Variants in IFNAR1 observed in about 807,000 individuals in gnomAD.
The protein encoded by IFNAR1 is interferon alpha and beta receptor subunit 1, also known as interferon alpha/beta receptor 1.
A neutral mutation model predicts 62.1 loss-of-function variants in IFNAR1; 47 were observed. The observed-to-expected ratio is 0.76, with a 90% CI of 0.60 to 0.97. The LOEUF (loss-of-function observed/expected upper bound fraction) is 0.97, where lower values mean the gene tolerates loss of function less well. Ranked by LOEUF, IFNAR1 falls within the 50% of genes least tolerant of loss-of-function variation. The pLI, the probability that IFNAR1 is intolerant of heterozygous loss-of-function variation, is 0.00. For missense variants in IFNAR1, 638 were observed against 654.5 expected (o/e 0.97, Z 0.27); for synonymous variants, 219 against 226.9 (o/e 0.97, Z 0.31).
intron 3 of IFNAR1, among the ~76,000 whole-genome samples, 193 bp from the exon 4 acceptor site, chr21:33,343,075 C>T (rs1192319910): frequency 6.6e-6 from 1 of 152,210 alleles, no homozygotes; most frequent in Non-Finnish European, 1.5e-5. Flanking sequence ...TAGACTGCTG[C>T]TGGGCTCAGT....
chr21:33,328,282 G>C (rs114436252), intron 1 of IFNAR1, among the ~76,000 whole-genome samples: 2 of 152,192 alleles, frequency 1.3e-5, no homozygotes, highest in Non-Finnish European at 2.9e-5. Flanking sequence ...AGAATAGATT[G>C]TAACTGTTTC....
At chr21:33,350,420 G>A (rs1352267187) in intron 8 of IFNAR1, among the ~76,000 whole-genome samples, 5 of 152,054 alleles carry the variant, frequency 3.3e-5, no homozygotes, top group African/African-American at 1.2e-4. Context: ...CCAAAGTTCA[G>A]CTTTGCCCAA....
rs754187243 is a variant in IFNAR1, at chr21:33,349,146, G to A, written c.844G>A (p.Asp282Asn). The change falls in exon 7 of 11, where the codon GAC becomes AAC. Residue 282 changes from aspartate (D) to asparagine (N), a missense_variant. Physicochemically the swap from Asp to Asn is conservative, Grantham distance 23. Transcript: ENST00000270139. ...TTTGTATAAATGGAAACAAATACCT[G>A]ACTGTGAAAATGTCAAAACTACCCA... Reference protein sequence around the residue: ...NHLYKWKQIPDCENVKTTQCV... With the variant: ...NHLYKWKQIPNCENVKTTQCV... 1.9e-6 allele frequency: 3 copies of A among 1,612,998 alleles called. No individual in the cohort carries two copies. Among genetic ancestry groups the A allele is most frequent in the African/African-American group, 2.7e-5 (2 of 74,892 alleles).
intron 8 of IFNAR1, 149 bp from the exon 9 acceptor site, chr21:33,352,609 A>C (rs1337981472): frequency 4.3e-6 from 2 of 461,112 alleles, no homozygotes; most frequent in Non-Finnish European, 7.5e-6. Context: ...TCACAAAAAA[A>C]ACAAAACAAA....
chr21:33,329,838 G>C (rs1035849820), intron 1 of IFNAR1, among the ~76,000 whole-genome samples: 4 of 152,184 alleles, frequency 2.6e-5, no homozygotes, highest in Admixed American at 2.6e-4. Flanking sequence ...TCTAGTTGGA[G>C]ATTTATGTTT....
intron 2 of IFNAR1, among the ~76,000 whole-genome samples, chr21:33,337,826 A>C (rs2083257653): frequency 6.9e-6 from 1 of 145,982 alleles, no homozygotes; most frequent in Admixed American, 7.0e-5. Context: ...GACTTTTCTC[A>C]GAATTGATCA....
At chr21:33,336,660 C>T (rs529799278) in intron 2 of IFNAR1, among the ~76,000 whole-genome samples, 11 of 151,948 alleles carry the variant, frequency 7.2e-5, no homozygotes, top group South Asian at 6.2e-4. Context: ...AAAGGTCCAT[C>T]GAAGACCTTG....
rs1242837163 is a variant in IFNAR1 at position 33,335,213 on chromosome 21, C to T, written c.77-311C>T. The T allele has an allele frequency of 1.5e-5, 7 of 465,106 alleles. No homozygotes were observed. In the Admixed American group the frequency reaches 2.0e-4, roughly 14 times the overall value. The allele number at this position is 465,106 out of a possible 1,614,324, so 28.8% of individuals were successfully genotyped here. ...CAGTTGAACCTCATCATAAGAGTGA[C>T]TCATCGGTGTCACTTCTAAGACCAA... On this transcript the variant is annotated intron_variant, in intron 1 of 10. Transcript: ENST00000270139.
At position 33,341,049 on chromosome 21, in the gene IFNAR1, G is replaced by GT; in HGVS notation, c.252dup (p.Thr85TyrfsTer14). 2.5e-6 allele frequency: 4 copies of GT among 1,612,528 alleles called. No individual in the cohort carries two copies. Among genetic ancestry groups the GT allele is most frequent in the Non-Finnish European group, 3.4e-6 (4 of 1,178,788 alleles). The stretch of plus-strand genomic sequence containing the variant: ...TTGTCTGGGTGTCAGAATATTACTA[G>GT]TACCAAATGCAACTTTTCTTCACTC... On this transcript the variant is annotated frameshift_variant, in exon 3 of 11. Coordinates refer to ENST00000270139, the MANE Select transcript of IFNAR1 (RefSeq NM_000629.3). LOFTEE classifies it high-confidence loss of function.
At chr21:33,333,532 T>C (rs1037746453) in intron 1 of IFNAR1, among the ~76,000 whole-genome samples, 1 of 150,626 alleles carries the variant, frequency 6.6e-6, no homozygotes, top group Non-Finnish European at 1.5e-5. Flanking sequence ...TTTAACAAAA[T>C]GACAAATGTA....
At chr21:33,337,803 CAA>C (rs1040663095) in intron 2 of IFNAR1, among the ~76,000 whole-genome samples, 2 of 71,544 alleles carry the variant, frequency 2.8e-5, no homozygotes, top group Non-Finnish European at 6.1e-5. Flanking sequence ...TATACACACA[CAA>C]ATTCATATAT....
chr21:33,357,599 C>G lies in IFNAR1; in HGVS notation c.*2050C>G, dbSNP rs1203556172. The G allele has an allele frequency of 1.3e-5, 2 of 150,764 alleles. No homozygotes were observed. The highest frequency in any genetic ancestry group is 4.9e-5 in the African/African-American group (2 of 40,530). The allele number at this position is 150,764 out of a possible 1,614,324, so 9.3% of individuals were successfully genotyped here. A position where few individuals can be genotyped will look rare whatever the true frequency, so the allele number is the denominator to read the frequency against. On this transcript the variant is annotated 3_prime_UTR_variant, in exon 11 of 11. Coordinates refer to ENST00000270139, the MANE Select transcript of IFNAR1 (RefSeq NM_000629.3). ...GGAGTGCAGTGGCTTGATCTCGGCT[C>G]ACTGCAACCTCGCCTCCCGGGTTCA...
Position 33,335,150 on chromosome 21 carries a change from A to G in IFNAR1, c.77-374A>G, listed in dbSNP as rs1601855412. 8 of 600,612 alleles carry G rather than the reference A, an allele frequency of 1.3e-5. No homozygotes were observed. The East Asian group carries it at 1.4e-4, about 11-fold the overall frequency. 37.2% of individuals were successfully genotyped at this position (600,612 alleles called of 1,614,324 possible). Reference sequence around the variant, plus strand: ...AGTCAAGAAGCATCTCTATCTATCTATGAACATACAATGTGAAATCAAATT... The same window carrying G: ...AGTCAAGAAGCATCTCTATCTATCTGTGAACATACAATGTGAAATCAAATT... On this transcript the variant is annotated intron_variant, in intron 1 of 10. Coordinates refer to ENST00000270139, the MANE Select transcript of IFNAR1 (RefSeq NM_000629.3).
At position 33,357,569 on chromosome 21, in the gene IFNAR1, A is replaced by G. The variant is rs1372813721; in HGVS notation, c.*2020A>G. ...TTGAGACAGTCTCATTCTGTTGCCCAGGCTGGAGTGCAGTGGCTTGATCTC... is the reference window on the plus strand; with the variant it reads ...TTGAGACAGTCTCATTCTGTTGCCCGGGCTGGAGTGCAGTGGCTTGATCTC... On this transcript the variant is annotated 3_prime_UTR_variant, in exon 11 of 11. Transcript: ENST00000270139. The G allele has an allele frequency of 1.4e-5, 2 of 146,548 alleles. No individual in the cohort carries two copies. The highest frequency in any genetic ancestry group is 3.0e-5 in the Non-Finnish European group (2 of 67,518). The allele number at this position is 146,548 out of a possible 1,614,324, so 9.1% of individuals were successfully genotyped here.
Position 33,325,023 on chromosome 21 carries a change from C to A in IFNAR1, c.-33C>A. 6.4e-7 allele frequency: 1 copy of A among 1,566,842 alleles called. No homozygotes were observed. The highest frequency in any genetic ancestry group is 1.2e-5 in the South Asian group (1 of 85,718). ...CTGAGAGGAGCTGCGCGTGCGCGAA[C>A]ATGTAACTGGTGGGATCTGCGGCGG... On this transcript the variant is annotated 5_prime_UTR_variant, in exon 1 of 11. Transcript: ENST00000270139.
intron 2 of IFNAR1, among the ~76,000 whole-genome samples, chr21:33,337,243 T>G (rs917517398): frequency 6.6e-6 from 1 of 151,858 alleles, no homozygotes; most frequent in Non-Finnish European, 1.5e-5. Flanking sequence ...ATAAATAAAA[T>G]AAAATAAAAA....
intron 1 of IFNAR1, chr21:33,334,708 C>T (rs2083216311): frequency 2.3e-6 from 2 of 857,618 alleles, no homozygotes; most frequent in Non-Finnish European, 4.0e-6. Flanking sequence ...GCCACCTTCC[C>T]TGACCCCAGT....
chr21:33,336,724 A>G lies in IFNAR1; in HGVS notation c.200+1077A>G, dbSNP rs563471161. Among the ~76,000 whole-genome samples the G allele has an allele frequency of 9.2e-4, 137 of 149,558 alleles. 2 individuals carry two copies. The Middle Eastern group carries it at 0.014, about 15-fold the overall frequency. ...GGCTTTCCTATTATCTCCATGATAT[A>G]CTATATTTTAATTTTAGGTACACTT... On this transcript the variant is annotated intron_variant, in intron 2 of 10. Transcript: ENST00000270139.
At chr21:33,351,343 A>G (rs956891375) in intron 8 of IFNAR1, among the ~76,000 whole-genome samples, 3 of 151,998 alleles carry the variant, frequency 2.0e-5, no homozygotes, top group Non-Finnish European at 4.4e-5. Flanking sequence ...CACTGCTCCT[A>G]TTTGCCAGGA....
Sources: gnomAD v4.1 joint callset for allele counts (sites outside exome capture counted in the v4.1 genomes callset) on GRCh38, gnomAD v4.1.1 for gene constraint, MANE v1.5 for transcripts, NCBI Gene and HGNC (gene_info 2026-07-23, HGNC 2026-07-21) for gene names.